SCYL3: variants seen among roughly 807,000 people sequenced by gnomAD.
The protein encoded by SCYL3 is protein-associating with the carboxyl-terminal domain of ezrin.
In SCYL3, 35 loss-of-function variants were observed where a neutral mutation model predicts 73.8. The observed-to-expected ratio is 0.47, with a 90% CI of 0.36 to 0.63. The LOEUF (loss-of-function observed/expected upper bound fraction) is 0.63. Among genes scored for constraint, SCYL3 ranks in the 20% least tolerant of loss-of-function variants. The probability of loss-of-function intolerance (pLI) is 0.00; values close to 1 mark genes in which losing one functional copy is unlikely to be tolerated. For synonymous variants in SCYL3, 277 were observed against 295.2 expected, an observed-to-expected ratio of 0.94 and a Z score of 0.63; for missense variants, 712 against 798.9, an observed-to-expected ratio of 0.89 and a Z score of 1.31.
Position 169,852,464 on chromosome 1 carries a change from A to G in SCYL3, c.*1249T>C, listed in dbSNP as rs1396387619. 2 of 308,528 alleles carry G rather than the reference A, an allele frequency of 6.5e-6. No homozygotes were observed. The highest frequency in any genetic ancestry group is 1.2e-5 in the Non-Finnish European group (2 of 167,250). The allele number at this position is 308,528 out of a possible 1,614,324, so 19.1% of individuals were successfully genotyped here. ...TAAGTTTTAGTCAAACTCTCATAAA[A>G]AGAAAATACATTTATGAACTTGTTT... On this transcript the variant is annotated 3_prime_UTR_variant, in exon 13 of 13. Transcript: ENST00000367771.
At chr1:169,893,599 G>T (rs796755183) in intron 1 of SCYL3, among the ~76,000 whole-genome samples, 189 bp downstream of exon 1, 9 of 151,994 alleles carry the variant, frequency 5.9e-5, no homozygotes, top group African/African-American at 1.9e-4. Context: ...ATCAGCAAGG[G>T]GAGGCTGCTC....
Position 169,868,934 on chromosome 1 carries a change from A to C in SCYL3, c.731T>G (p.Phe244Cys). The C allele has an allele frequency of 6.2e-7, 1 of 1,612,644 alleles. No homozygotes were observed. The highest frequency in any genetic ancestry group is 8.5e-7 in the Non-Finnish European group (1 of 1,178,760). ...PALCTLLSHDFFRNDFLEVVN... is the reference protein window; with the variant it reads ...PALCTLLSHDCFRNDFLEVVN... ...CCACACCAGATGCCCTCACCTGAAG[A>C]AGTCATGAGATAGTAAGGTGCAGAG... Residue 244 changes from phenylalanine (F) to cysteine (C), a missense_variant, in exon 7 of 13, where the codon TTC becomes TGC. Physicochemically the swap from Phe to Cys is radical, Grantham distance 205. Around this residue, in one of 2 missense-constraint regions of SCYL3, gnomAD observed 342 missense variants for 448.1 expected, o/e 0.76. Transcript: ENST00000367771.
In SCYL3 at chr1:169,869,041, T is replaced by C. The variant is rs1660223077; in HGVS notation, c.626-2A>G. Reference sequence around the variant, plus strand: ...AGCTGGAGAGAACATCCGCTGAAACTGAAATCCAGAGCTACAGTTAGTTTC... The same window carrying C: ...AGCTGGAGAGAACATCCGCTGAAACCGAAATCCAGAGCTACAGTTAGTTTC... On this transcript the variant is annotated splice_acceptor_variant, in intron 6 of 12. Coordinates refer to ENST00000367771, the MANE Select transcript of SCYL3 (RefSeq NM_020423.7). LOFTEE classifies it high-confidence loss of function. 1.9e-6 allele frequency: 3 copies of C among 1,610,926 alleles called. No individual in the cohort carries two copies. Among genetic ancestry groups the C allele is most frequent in the Admixed American group, 1.7e-5 (1 of 59,978 alleles).
chr1:169,871,119 C>G (rs1317844360), intron 5 of SCYL3, among the ~76,000 whole-genome samples: 1 of 152,142 alleles, frequency 6.6e-6, no homozygotes. Context: ...GGGTGACATA[C>G]AAGAAAGGAC....
At position 169,870,374 on chromosome 1, in the gene SCYL3, C is replaced by G. The variant is rs1660308763; in HGVS notation, c.523-17G>C. On this transcript the variant is annotated splice_polypyrimidine_tract_variant and intron_variant, in intron 5 of 12. Coordinates refer to ENST00000367771, the MANE Select transcript of SCYL3 (RefSeq NM_020423.7). ...TTCTGGAGACTAAAAGCAGTGAAGACAATTAAAACTAGAGGATCTGCCTTA... is the reference window on the plus strand; with the variant it reads ...TTCTGGAGACTAAAAGCAGTGAAGAGAATTAAAACTAGAGGATCTGCCTTA... 1.9e-6 allele frequency: 3 copies of G among 1,546,120 alleles called. No individual in the cohort carries two copies. In the Admixed American group the frequency reaches 5.1e-5, roughly 26 times the overall value.
upstream of SCYL3, chr1:169,894,250 A>C (rs967204836): frequency 2.0e-5 from 3 of 152,244 alleles, no homozygotes; most frequent in African/African-American, 7.2e-5. Flanking sequence ...GGCCACTTGT[A>C]GCAAACAGTA....
chr1:169,888,767 G>C lies in SCYL3; in HGVS notation c.74C>G (p.Ala25Gly). 1.2e-6 allele frequency: 2 copies of C among 1,613,988 alleles called. No individual in the cohort carries two copies. Among genetic ancestry groups the C allele is most frequent in the Non-Finnish European group, 8.5e-7 (1 of 1,179,916 alleles). ...ATCTTGCAGTACAGCGGGATAAACA[G>C]CAAGTCCAGAGGGTAAGGTAAATGG... ...EPPFTLPSGL[A>G]VYPAVLQDGK... The change falls in exon 2 of 13, where the codon GCT (alanine) becomes GGT (glycine). Residue 25 changes from alanine to glycine, a missense_variant. Physicochemically the swap from Ala to Gly is moderately conservative, Grantham distance 60 (BLOSUM62 0). Coordinates refer to ENST00000367771, the MANE Select transcript of SCYL3 (RefSeq NM_020423.7).
At chr1:169,889,598 AAACAAAAGCCCAC>A (rs1224513514) in intron 1 of SCYL3, among the ~76,000 whole-genome samples, 1 of 152,212 alleles carries the variant, frequency 6.6e-6, no homozygotes, top group East Asian at 1.9e-4. Context: ...TGCTAAAAAA[AAACAAAAGCCCAC>A]ACATACACAG....
chr1:169,864,054 T>G (rs1158000464), intron 9 of SCYL3, among the ~76,000 whole-genome samples: 3 of 152,216 alleles, frequency 2.0e-5, no homozygotes, highest in Non-Finnish European at 4.4e-5. Context: ...GGCACAGGCC[T>G]AAATGATTCA....
chr1:169,855,457 T>C (rs999636471), intron 11 of SCYL3, among the ~76,000 whole-genome samples: 1 of 152,200 alleles, frequency 6.6e-6, no homozygotes, highest in Non-Finnish European at 1.5e-5. Flanking sequence ...CCCAAACTTA[T>C]TTAACCACAG....
chr1:169,885,462 C>A (rs1460521697), intron 2 of SCYL3, among the ~76,000 whole-genome samples: 2 of 152,128 alleles, frequency 1.3e-5, no homozygotes, highest in African/African-American at 4.8e-5. Context: ...TTAGATGAGA[C>A]AAAGCCATAA....
chr1:169,854,550 T>C lies in SCYL3; in HGVS notation c.1727A>G (p.Asp576Gly), dbSNP rs776324841. The change falls in exon 12 of 13, where the codon GAT (aspartate) becomes GGT (glycine). Residue 576 changes from aspartate to glycine, a missense_variant. Transcript: ENST00000367771. The stretch of plus-strand genomic sequence containing the variant: ...TGGCGGCTCGATTTGGTCTGCGTCA[T>C]CCCCCCTTTGTACAAGGCTAATCTT... ...PQKISLVQRG[D>G]DADQIEPPKV... is the part of the protein sequence containing the mutation. The C allele has an allele frequency of 2.5e-6, 4 of 1,613,816 alleles. No homozygotes were observed. The highest frequency in any genetic ancestry group is 3.4e-6 in the Non-Finnish European group (4 of 1,179,932).
Position 169,851,857 on chromosome 1 carries a change from G to A in SCYL3, c.*1856C>T, listed in dbSNP as rs139434399. 6.8e-6 allele frequency: 11 copies of A among 1,613,914 alleles called. No homozygotes were observed. Among genetic ancestry groups the A allele is most frequent in the East Asian group, 2.2e-5 (1 of 44,876 alleles). The stretch of plus-strand genomic sequence containing the variant: ...GAAACTGAAGCTGCCAAAGTGGAAC[G>A]TGTGAAACAGGAAAAAGGTATTTTC... On this transcript the variant is annotated 3_prime_UTR_variant, in exon 13 of 13. Coordinates refer to ENST00000367771, the MANE Select transcript of SCYL3 (RefSeq NM_020423.7).
Position 169,853,597 on chromosome 1 carries a change from G to C in SCYL3, c.*116C>G, listed in dbSNP as rs1658710271. On this transcript the variant is annotated 3_prime_UTR_variant, in exon 13 of 13. Coordinates refer to ENST00000367771, the MANE Select transcript of SCYL3 (RefSeq NM_020423.7). ...GGCACAGACTGGATAATGAGCTCCT[G>C]GGATGGGAAAAGCAGGCCACTTTGG... 3 of 1,058,000 alleles carry C rather than the reference G, an allele frequency of 2.8e-6. No homozygotes were observed. Among genetic ancestry groups the C allele is most frequent in the Non-Finnish European group, 2.8e-6 (2 of 708,760 alleles). The allele number at this position is 1,058,000 out of a possible 1,614,324, so 65.5% of individuals were successfully genotyped here. A position where few individuals can be genotyped will look rare whatever the true frequency, so the allele number is the denominator to read the frequency against.
chr1:169,856,123 A>AT (rs1290011643), intron 11 of SCYL3, among the ~76,000 whole-genome samples: 1 of 152,238 alleles, frequency 6.6e-6, no homozygotes, highest in African/African-American at 2.4e-5. Flanking sequence ...TACACCCATT[A>AT]TGGAATGGAC....
chr1:169,884,618 C>G (rs547771816), intron 2 of SCYL3, among the ~76,000 whole-genome samples: 1 of 152,106 alleles, frequency 6.6e-6, no homozygotes, highest in Admixed American at 6.5e-5. Context: ...TTTTGAGCTA[C>G]GGTTTCTGTA....
intron 10 of SCYL3, 90 bp from the exon 11 acceptor site, chr1:169,859,302 G>A (rs1239195965): frequency 7.9e-7 from 1 of 1,272,224 alleles, no homozygotes; most frequent in Non-Finnish European, 1.1e-6. Flanking sequence ...CAAACAGATT[G>A]TGCTTAGATA....
intron 10 of SCYL3, 43 bp downstream of exon 10, chr1:169,862,570 C>T (rs1659726913): frequency 6.2e-7 from 1 of 1,602,524 alleles, no homozygotes. Flanking sequence ...AGCACTCTTC[C>T]CTCAGGTTCT....
At chr1:169,884,627 T>C (rs1661545419) in intron 2 of SCYL3, among the ~76,000 whole-genome samples, 1 of 152,236 alleles carries the variant, frequency 6.6e-6, no homozygotes, top group African/African-American at 2.4e-5. Flanking sequence ...ACGGTTTCTG[T>C]ATAAAATTAT....
Sources: allele counts gnomAD v4.1 joint callset (sites outside exome capture counted in the v4.1 genomes callset), GRCh38; gene constraint gnomAD v4.1.1; regional missense constraint gnomAD v4.1.1; transcripts MANE v1.5; gene names NCBI Gene and HGNC (gene_info 2026-07-23, HGNC 2026-07-21).